AUTS2: variants seen among roughly 807,000 people sequenced by gnomAD.
AUTS2 encodes autism susceptibility gene 2 protein.
Under a neutral mutation model 112.4 loss-of-function variants are expected in AUTS2, and 17 were observed. The observed-to-expected ratio is 0.15, with a 90% CI of 0.10 to 0.23. The LOEUF (loss-of-function observed/expected upper bound fraction) is 0.23. AUTS2 is among the 10% of genes least tolerant of loss of function. The pLI is 1.00. For missense variants in AUTS2, 1,510 were observed against 1,701.6 expected (o/e 0.89, Z 1.98); for synonymous variants, 751 against 702.7 (o/e 1.07, Z -1.09).
chr7:70,488,660 T>C (rs936903472), intron 5 of AUTS2, among the ~76,000 whole-genome samples: 2 of 152,118 alleles, frequency 1.3e-5, no homozygotes, highest in African/African-American at 4.8e-5. Context: ...CCAGCCTGAA[T>C]TGAGCCTCAG....
chr7:70,470,095 T>C (rs1170349269), intron 5 of AUTS2, among the ~76,000 whole-genome samples: 3 of 152,232 alleles, frequency 2.0e-5, no homozygotes, highest in Non-Finnish European at 4.4e-5. Context: ...TTAGCAACAG[T>C]GTTATTTGCC....
intron 5 of AUTS2, among the ~76,000 whole-genome samples, chr7:70,569,721 A>T (rs906230098): frequency 6.6e-6 from 1 of 152,188 alleles, no homozygotes; most frequent in Admixed American, 6.5e-5. Context: ...CCTGTTACAG[A>T]TCATTGACCA....
chr7:70,385,239 C>G (rs1793557881), intron 4 of AUTS2, among the ~76,000 whole-genome samples: 1 of 152,132 alleles, frequency 6.6e-6, no homozygotes, highest in Non-Finnish European at 1.5e-5. Context: ...TGTACATAGC[C>G]AAGTGCTAGT....
chr7:70,191,268 C>A lies in AUTS2; in HGVS notation c.660+56697C>A, dbSNP rs113719385. On this transcript the variant is annotated intron_variant, in intron 4 of 18. Coordinates refer to ENST00000342771, the MANE Select transcript of AUTS2 (RefSeq NM_015570.4). ...CTGCAAGCTCTGCCTCCCGGGTTTA[C>A]ACCATTCTCCCACCTCAGCCTCCCT... Among the ~76,000 whole-genome samples the A allele has an allele frequency of 8.0e-3, 1,173 of 146,278 alleles. 15 individuals are homozygous for A. The highest frequency in any genetic ancestry group is 0.029 in the African/African-American group (1,138 of 39,740).
At chr7:70,575,710 T>A (rs945614409) in intron 5 of AUTS2, among the ~76,000 whole-genome samples, 10 of 152,214 alleles carry the variant, frequency 6.6e-5, no homozygotes, top group African/African-American at 2.4e-4. Flanking sequence ...GACAGTTAAC[T>A]GCGGGCCTGT....
intron 2 of AUTS2, among the ~76,000 whole-genome samples, chr7:69,957,136 G>T (rs1797247666): frequency 6.6e-6 from 1 of 150,504 alleles, no homozygotes; most frequent in Non-Finnish European, 1.5e-5. Context: ...TTGGCCCCCA[G>T]AAGTTCTGGT....
intron 4 of AUTS2, among the ~76,000 whole-genome samples, chr7:70,342,025 T>C (rs915763455): frequency 1.1e-4 from 17 of 152,328 alleles, no homozygotes; most frequent in East Asian, 9.7e-4. Context: ...CACATTAGAA[T>C]CAAATGCATT....
chr7:70,523,759 G>A (rs529365859), intron 5 of AUTS2, among the ~76,000 whole-genome samples: 19 of 152,132 alleles, frequency 1.2e-4, no homozygotes, highest in Non-Finnish European at 2.4e-4. Flanking sequence ...ACAACGCACC[G>A]TGCCCCACAG....
chr7:69,599,644 C>A lies in AUTS2; in HGVS notation c.-10C>A. On this transcript the variant is annotated 5_prime_UTR_variant, in exon 1 of 19. Coordinates refer to ENST00000342771, the MANE Select transcript of AUTS2 (RefSeq NM_015570.4). The surrounding 1 kb of genome is among the most constrained non-coding windows in gnomAD (Gnocchi z 7.0). ...GCGGGCAAGCGGGGAGACCCCGGCG[C>A]AGCAGAACCATGGATGGCCCGACGC... The A allele has an allele frequency of 2.3e-6, 3 of 1,289,802 alleles. No homozygotes were observed. The South Asian group carries it at 8.7e-5, about 37-fold the overall frequency. 79.9% of individuals were successfully genotyped at this position (1,289,802 alleles called of 1,614,324 possible).
chr7:70,543,678 G>A (rs111928294), intron 5 of AUTS2, among the ~76,000 whole-genome samples: 11 of 152,270 alleles, frequency 7.2e-5, no homozygotes, highest in African/African-American at 1.9e-4. Flanking sequence ...CCTTCAAAAT[G>A]CCTTTGGATT....
At chr7:70,420,519 A>G (rs901861430) in intron 4 of AUTS2, among the ~76,000 whole-genome samples, 2 of 152,188 alleles carry the variant, frequency 1.3e-5, no homozygotes, top group African/African-American at 2.4e-5. Context: ...TGAAGTACAT[A>G]ATAAAGCCTA....
intron 5 of AUTS2, among the ~76,000 whole-genome samples, chr7:70,467,970 A>G (rs535726535): frequency 1.8e-4 from 27 of 152,206 alleles, no homozygotes; most frequent in Non-Finnish European, 3.2e-4. Context: ...ACCTTCAGAT[A>G]CAGAGTTGAG....
chr7:69,888,540 G>GATATATATATAT (rs60804022), intron 1 of AUTS2, among the ~76,000 whole-genome samples: 1,683 of 98,946 alleles, frequency 0.017, 26 homozygotes, highest in African/African-American at 0.028. Context: ...CAACATTGGG[G>GATATATATATAT]ATATATATAT....
At chr7:70,216,416 T>G (rs1811167410) in intron 4 of AUTS2, among the ~76,000 whole-genome samples, 1 of 152,250 alleles carries the variant, frequency 6.6e-6, no homozygotes, top group African/African-American at 2.4e-5. Context: ...GCATTCATTT[T>G]CAACTTAGCA....
At chr7:70,774,190 T>C (rs1002224437) in intron 12 of AUTS2, 91 bp downstream of exon 12, 6 of 1,192,090 alleles carry the variant, frequency 5.0e-6, no homozygotes, top group Non-Finnish European at 7.4e-6. Context: ...CTTCCTTAGC[T>C]CCTTTGAGCG....
Position 70,547,702 on chromosome 7 carries a change from A to G in AUTS2, c.690+111921A>G, listed in dbSNP as rs554271226. ...TATACCACGTTTTGTTTATCTGTTC[A>G]TCAGCTTATGGACATTTGGATTATT... On this transcript the variant is annotated intron_variant, in intron 5 of 18. Coordinates refer to ENST00000342771, the MANE Select transcript of AUTS2 (RefSeq NM_015570.4). Among the ~76,000 whole-genome samples the G allele has an allele frequency of 2.0e-5, 3 of 152,244 alleles. No homozygotes were observed. In the East Asian group the frequency reaches 5.8e-4, roughly 29 times the overall value.
At position 70,574,540 on chromosome 7, in the gene AUTS2, C is replaced by G. The variant is rs1450619205; in HGVS notation, c.691-124029C>G. ...CATAGTACAAGCAACGTTTGAACTC[C>G]TGTTTTGCTCTTAGCACCAGAAGTT... On this transcript the variant is annotated intron_variant, in intron 5 of 18. Coordinates refer to ENST00000342771, the MANE Select transcript of AUTS2 (RefSeq NM_015570.4). 2.0e-5 allele frequency among the ~76,000 whole-genome samples: 3 copies of G among 152,170 alleles called. No individual in the cohort carries two copies. In the East Asian group the frequency reaches 5.8e-4, roughly 29 times the overall value.
At chr7:70,361,746 T>C (rs970988915) in intron 4 of AUTS2, among the ~76,000 whole-genome samples, 1 of 152,180 alleles carries the variant, frequency 6.6e-6, no homozygotes, top group Non-Finnish European at 1.5e-5. Flanking sequence ...TAATACATGC[T>C]CTCTGGTTGA....
chr7:70,678,683 T>A lies in AUTS2; in HGVS notation c.691-19886T>A, dbSNP rs529116188. 3.3e-5 allele frequency among the ~76,000 whole-genome samples: 5 copies of A among 152,336 alleles called. No homozygotes were observed. In the South Asian group the frequency reaches 1.0e-3, roughly 32 times the overall value. On this transcript the variant is annotated intron_variant, in intron 5 of 18. Coordinates refer to ENST00000342771, the MANE Select transcript of AUTS2 (RefSeq NM_015570.4). ...TAGTACCACCAAACAAACCTCTTTT[T>A]GCAATCCGTGCTAAAGCAAGTAAGT... is the stretch of plus-strand genomic sequence containing the variant.
Sources: gnomAD v4.1 joint callset for allele counts (sites outside exome capture counted in the v4.1 genomes callset) on GRCh38, gnomAD v4.1.1 for gene constraint, Gnocchi (gnomAD v3.1) non-coding constraint, MANE v1.5 for transcripts, NCBI Gene and HGNC (gene_info 2026-07-23, HGNC 2026-07-21) for gene names.